Variants in CYLD observed in about 807,000 individuals in gnomAD.
CYLD encodes CYLD lysine 63 deubiquitinase.
A neutral mutation model predicts 104.5 loss-of-function variants in CYLD; 26 were observed. The observed-to-expected ratio is 0.25, with a 90% CI of 0.18 to 0.35. The LOEUF (loss-of-function observed/expected upper bound fraction) is 0.35, where lower values mean the gene tolerates loss of function less well. Among genes scored for constraint, CYLD ranks in the 10% least tolerant of loss-of-function variants. The probability of loss-of-function intolerance (pLI) is 1.00; values close to 1 mark genes in which losing one functional copy is unlikely to be tolerated. For synonymous variants in CYLD, 385 were observed against 399.9 expected (o/e 0.96, Z 0.45); for missense variants, 703 against 1,136.1 (o/e 0.62, Z 5.48).
rs10451132 is a variant in CYLD, at chr16:50,792,551, G to T, written c.2242-46G>T. ...CTATTTTGGTTTCATAGGGAAAAGT[G>T]TTTTTTTTAACACTTTGATTCTAAA... On this transcript the variant is annotated intron_variant, in intron 15 of 18. Coordinates refer to ENST00000427738, the MANE Select transcript of CYLD (RefSeq NM_001378743.1). 0.091 allele frequency: 127,152 copies of T among 1,401,876 alleles called. 7,677 individuals are homozygous for T. The highest frequency in any genetic ancestry group is 0.23 in the South Asian group (18,568 of 81,910). 86.8% of individuals were successfully genotyped at this position (1,401,876 alleles called of 1,614,324 possible). A position where few individuals can be genotyped will look rare whatever the true frequency, so the allele number is the denominator to read the frequency against.
chr16:50,772,186 G>A (rs1597032557), intron 5 of CYLD, among the ~76,000 whole-genome samples: 1 of 152,166 alleles, frequency 6.6e-6, no homozygotes, highest in Admixed American at 6.5e-5. Context: ...CTTTGGTTGG[G>A]GCCTTCTTTT....
intron 2 of CYLD, among the ~76,000 whole-genome samples, chr16:50,745,886 A>G (rs568845253): frequency 3.9e-5 from 6 of 152,272 alleles, no homozygotes; most frequent in African/African-American, 1.4e-4. Context: ...CTAAGACTTT[A>G]ACTATTTAAC....
intron 7 of CYLD, 137 bp from the exon 8 acceptor site, chr16:50,777,688 A>T (rs1969822945): frequency 3.5e-6 from 2 of 574,390 alleles, no homozygotes; most frequent in East Asian, 5.9e-5. Flanking sequence ...CAGTTAAAAA[A>T]CATATTGTGT....
At chr16:50,770,215 C>T (rs947173998) in intron 5 of CYLD, among the ~76,000 whole-genome samples, 1 of 152,158 alleles carries the variant, frequency 6.6e-6, no homozygotes, top group African/African-American at 2.4e-5. Flanking sequence ...TAAGAAACCG[C>T]TAAACTGTTT....
intron 5 of CYLD, among the ~76,000 whole-genome samples, chr16:50,761,552 C>T (rs1567432447): frequency 6.6e-6 from 1 of 152,126 alleles, no homozygotes; most frequent in Non-Finnish European, 1.5e-5. Context: ...ATACATATGT[C>T]CTTTGGAGCT....
At chr16:50,763,847 A>C (rs1968210710) in intron 5 of CYLD, among the ~76,000 whole-genome samples, 2 of 152,170 alleles carry the variant, frequency 1.3e-5, no homozygotes, top group South Asian at 4.1e-4. Context: ...TCAACATTTC[A>C]TTATTAAATG....
chr16:50,756,228 C>G (rs2150925036), intron 5 of CYLD, among the ~76,000 whole-genome samples: 1 of 152,184 alleles, frequency 6.6e-6, no homozygotes, highest in South Asian at 2.1e-4. Flanking sequence ...ATCACCTGTC[C>G]ATTCTTAGTG....
intron 4 of CYLD, among the ~76,000 whole-genome samples, chr16:50,752,400 A>G (rs939549035): frequency 6.6e-5 from 10 of 152,160 alleles, no homozygotes; most frequent in African/African-American, 2.4e-4. Flanking sequence ...AATAATTAGT[A>G]TAATAATCAT....
intron 2 of CYLD, among the ~76,000 whole-genome samples, chr16:50,745,309 G>C (rs1316577698): frequency 6.7e-6 from 1 of 149,442 alleles, no homozygotes; most frequent in African/African-American, 2.5e-5. Context: ...GAAGCTGAGT[G>C]AATGTGGATT....
At position 50,798,174 on chromosome 16, in the gene CYLD, G is replaced by A; in HGVS notation, c.*1666G>A. 1 of 232,022 alleles carries A rather than the reference G, an allele frequency of 4.3e-6. No individual in the cohort carries two copies. Among genetic ancestry groups the A allele is most frequent in the Non-Finnish European group, 8.5e-6 (1 of 117,226 alleles). 14.4% of individuals were successfully genotyped at this position (232,022 alleles called of 1,614,324 possible). A position where few individuals can be genotyped will look rare whatever the true frequency, so the allele number is the denominator to read the frequency against. ...ATAAATATGTGTTGAATGAAGAAAT[G>A]GGTGAATGAGCTTGTCAATGTGATT... On this transcript the variant is annotated 3_prime_UTR_variant, in exon 19 of 19. Transcript: ENST00000427738.
At chr16:50,782,526 G>A (rs1970327025) in intron 11 of CYLD, 60 bp downstream of exon 11, 2 of 1,054,498 alleles carry the variant, frequency 1.9e-6, no homozygotes, top group African/African-American at 1.7e-5. Context: ...ACACATACCG[G>A]TGTGTGTGTG....
Position 50,754,382 on chromosome 16 carries a change from G to C in CYLD, c.871G>C (p.Val291Leu). Residue 291 changes from valine to leucine, a missense_variant, in exon 5 of 19, where the codon GTT (valine) becomes CTT (leucine). Val to Leu is a conservative substitution (Grantham distance 32). Coordinates refer to ENST00000427738, the MANE Select transcript of CYLD (RefSeq NM_001378743.1). ...AGTGCAGCTTTGTAGTTTTGCGTGT[G>C]TTGAAAGTACAATTCTATTGCACAT... ...DGVQLCSFAC[V>L]ESTILLHIND... 1 of 1,613,490 alleles carries C rather than the reference G, an allele frequency of 6.2e-7. No homozygotes were observed. Among genetic ancestry groups the C allele is most frequent in the Non-Finnish European group, 8.5e-7 (1 of 1,179,602 alleles).
intron 5 of CYLD, among the ~76,000 whole-genome samples, chr16:50,755,676 C>T (rs1465677807): frequency 1.3e-5 from 2 of 152,076 alleles, no homozygotes; most frequent in Non-Finnish European, 1.5e-5. Context: ...TGTATATCTT[C>T]TTTTGATAAT....
At chr16:50,792,453 C>T in intron 15 of CYLD, 144 bp from the exon 16 acceptor site, 3 of 628,220 alleles carry the variant, frequency 4.8e-6, no homozygotes, top group South Asian at 3.7e-5. Context: ...TGTCCACAGC[C>T]CATGGTCACG....
chr16:50,754,875 G>GTA (rs144931752), intron 5 of CYLD, among the ~76,000 whole-genome samples: 14,312 of 147,218 alleles, frequency 0.097, 2,236 homozygotes, highest in African/African-American at 0.33. Context: ...ACACACATAT[G>GTA]TATATATATA....
rs773088526 is a variant in CYLD at position 50,799,200 on chromosome 16, ATTATC to A, written c.*2697_*2701del. The A allele has an allele frequency of 4.3e-5, 10 of 233,418 alleles. No individual in the cohort carries two copies. Among genetic ancestry groups the A allele is most frequent in the Non-Finnish European group, 8.5e-5 (10 of 118,044 alleles). 14.5% of individuals were successfully genotyped at this position (233,418 alleles called of 1,614,324 possible). A position where few individuals can be genotyped will look rare whatever the true frequency, so the allele number is the denominator to read the frequency against. On this transcript the variant is annotated 3_prime_UTR_variant, in exon 19 of 19. Transcript: ENST00000427738. ...ACAATCAAGATGACAATGTAATTGA[ATTATC>A]TTATTTATAACACGGTTCGTGATTC... is the stretch of plus-strand genomic sequence containing the variant.
Position 50,782,421 on chromosome 16 carries a change from T to C in CYLD, c.1781T>C (p.Ile594Thr), listed in dbSNP as rs2150999474. The C allele has an allele frequency of 6.2e-7, 1 of 1,614,080 alleles. No homozygotes were observed. ...ATAATGATTGGGAAGAAGAAAGGCA[T>C]CCAGGGTCATTACAATTCTTGTTAC... The part of the protein sequence containing the change: ...LEIMIGKKKG[I>T]QGHYNSCYLD... The change falls in exon 11 of 19, where the codon ATC (isoleucine) becomes ACC (threonine). Residue 594 changes from isoleucine (I) to threonine (T), a missense_variant. Physicochemically the swap from Ile to Thr is moderately conservative, Grantham distance 89 (BLOSUM62 -1). Around this residue, in one of 5 missense-constraint regions of CYLD, gnomAD observed 125 missense variants for 325.4 expected, o/e 0.38. Coordinates refer to ENST00000427738, the MANE Select transcript of CYLD (RefSeq NM_001378743.1).
At chr16:50,751,539 T>G (rs894066967) in intron 3 of CYLD, 65 bp from the exon 4 acceptor site, 8 of 1,448,122 alleles carry the variant, frequency 5.5e-6, no homozygotes, top group South Asian at 3.5e-5. Context: ...ATCCCTAGAG[T>G]GAACCCCTTT....
Position 50,749,601 on chromosome 16 carries a change from T to A in CYLD, c.-98T>A. On this transcript the variant is annotated 5_prime_UTR_variant, in exon 3 of 19. It removes an upstream start codon present in the reference 5' UTR. Transcript: ENST00000427738. ...CATGGACACCACGTTGCTGAAAACA[T>A]GCTTTGGGACTGCCACTGAATTTAT... 1 of 1,263,284 alleles carries A rather than the reference T, an allele frequency of 7.9e-7. No individual in the cohort carries two copies. The highest frequency in any genetic ancestry group is 1.1e-6 in the Non-Finnish European group (1 of 895,830). The allele number at this position is 1,263,284 out of a possible 1,614,324, so 78.3% of individuals were successfully genotyped here. A position where few individuals can be genotyped will look rare whatever the true frequency, so the allele number is the denominator to read the frequency against.
Sources: gnomAD v4.1 joint callset for allele counts (sites outside exome capture counted in the v4.1 genomes callset) on GRCh38, gnomAD v4.1.1 for gene constraint, gnomAD v4.1.1 regional missense constraint, MANE v1.5 for transcripts, NCBI Gene and HGNC (gene_info 2026-07-23, HGNC 2026-07-21) for gene names.